QKI: variants seen among roughly 807,000 people sequenced by gnomAD.
QKI encodes the protein QKI, KH domain containing RNA binding.
In QKI, 10 loss-of-function variants were observed where a neutral mutation model predicts 39.0. The observed-to-expected ratio is 0.26, with a 90% CI of 0.16 to 0.43. The LOEUF (loss-of-function observed/expected upper bound fraction) is 0.43, where lower values mean the gene tolerates loss of function less well. QKI is among the 20% of genes least tolerant of loss of function. The pLI is 1.00. For missense variants in QKI, 218 were observed against 428.0 expected, an observed-to-expected ratio of 0.51 and a Z score of 4.33; for synonymous variants, 204 against 155.4, an observed-to-expected ratio of 1.31 and a Z score of -2.33.
intron 3 of QKI, among the ~76,000 whole-genome samples, chr6:163,499,136 TG>T (rs1303462086): frequency 6.6e-6 from 1 of 152,206 alleles, no homozygotes; most frequent in Non-Finnish European, 1.5e-5. Flanking sequence ...TGAAGCGTTT[TG>T]TTTTTTTGGA....
chr6:163,542,630 A>G (rs78656861), intron 4 of QKI, among the ~76,000 whole-genome samples: 4,220 of 152,138 alleles, frequency 0.028, 186 homozygotes, highest in African/African-American at 0.096. Context: ...TTGGCACACA[A>G]TATGCCTGCA....
chr6:163,422,555 C>T (rs894992870), intron 1 of QKI, among the ~76,000 whole-genome samples: 2 of 152,054 alleles, frequency 1.3e-5, no homozygotes, highest in African/African-American at 2.4e-5. Context: ...CATGCTACTG[C>T]GCTCCACCTT....
At chr6:163,430,410 A>G (rs919828095) in intron 1 of QKI, among the ~76,000 whole-genome samples, 5 of 151,494 alleles carry the variant, frequency 3.3e-5, no homozygotes, top group Admixed American at 1.3e-4. Context: ...AATTTTAACT[A>G]TTGTTTATCT....
At chr6:163,532,859 G>A (rs1248589425) in intron 3 of QKI, among the ~76,000 whole-genome samples, 1 of 152,152 alleles carries the variant, frequency 6.6e-6, no homozygotes, top group Non-Finnish European at 1.5e-5. Flanking sequence ...GGAGTTGTCT[G>A]GAGACTCTCA....
At position 163,534,932 on chromosome 6, in the gene QKI, T is replaced by G. The variant is rs770560902; in HGVS notation, c.403-50T>G. The G allele has an allele frequency of 3.6e-6, 5 of 1,397,528 alleles. No homozygotes were observed. The African/African-American group carries it at 7.3e-5, about 20-fold the overall frequency. 86.6% of individuals were successfully genotyped at this position (1,397,528 alleles called of 1,614,324 possible). A position where few individuals can be genotyped will look rare whatever the true frequency, so the allele number is the denominator to read the frequency against. Reference sequence around the variant, plus strand: ...CAGGTTAGTATTATGAAAGATGTGCTCTCTCTTTAAAGAGAATAATTTTAA... The same window carrying G: ...CAGGTTAGTATTATGAAAGATGTGCGCTCTCTTTAAAGAGAATAATTTTAA... On this transcript the variant is annotated intron_variant, in intron 3 of 7. Coordinates refer to ENST00000361752, the MANE Select transcript of QKI (RefSeq NM_006775.3).
rs1783701297 is a variant in QKI at position 163,571,548 on chromosome 6, G to A, written c.*838G>A. On this transcript the variant is annotated 3_prime_UTR_variant, in exon 8 of 8. Coordinates refer to ENST00000361752, the MANE Select transcript of QKI (RefSeq NM_006775.3). ...TGTATAGAAAAAAATCATTAAGGATGTAAAAGCCATGCTTGCCTATTTGCT... is the reference window on the plus strand; with the variant it reads ...TGTATAGAAAAAAATCATTAAGGATATAAAAGCCATGCTTGCCTATTTGCT... The A allele has an allele frequency of 1.3e-5, 2 of 151,844 alleles. No homozygotes were observed. The highest frequency in any genetic ancestry group is 4.2e-4 in the South Asian group (2 of 4,818). The allele number at this position is 151,844 out of a possible 1,614,324, so 9.4% of individuals were successfully genotyped here.
rs139069121 is a variant in QKI, at chr6:163,478,945, C to G, written c.402+49C>G. ...GTCTTTATGTGAGTAACTTACTATA[C>G]TTTTACATCGTAATAATAAAATTTC... On this transcript the variant is annotated intron_variant, in intron 3 of 7. Transcript: ENST00000361752. The G allele has an allele frequency of 2.2e-3, 2,965 of 1,362,910 alleles. 6 individuals carry two copies. Among genetic ancestry groups the G allele is most frequent in the Non-Finnish European group, 2.7e-3 (2,623 of 972,684 alleles). 84.4% of individuals were successfully genotyped at this position (1,362,910 alleles called of 1,614,324 possible).
intron 1 of QKI, among the ~76,000 whole-genome samples, chr6:163,417,102 TTATA>T (rs1787579327): frequency 6.6e-6 from 1 of 152,212 alleles, no homozygotes; most frequent in African/African-American, 2.4e-5. Context: ...CATAATGTGT[TTATA>T]TAGTGTTTTC....
chr6:163,524,049 C>G (rs1325945301), intron 3 of QKI, among the ~76,000 whole-genome samples: 2 of 152,120 alleles, frequency 1.3e-5, no homozygotes, highest in Non-Finnish European at 2.9e-5. Context: ...TATAAATTCC[C>G]TTTACTATTC....
At chr6:163,456,812 A>G (rs1777293841) in intron 2 of QKI, among the ~76,000 whole-genome samples, 1 of 152,182 alleles carries the variant, frequency 6.6e-6, no homozygotes, top group African/African-American at 2.4e-5. Context: ...ATGTTAGGCT[A>G]GGAATCAGGG....
chr6:163,553,068 TTATTTA>T (rs1782357301), intron 4 of QKI, among the ~76,000 whole-genome samples: 3 of 11,778 alleles, frequency 2.5e-4, no homozygotes, highest in Admixed American at 2.4e-3. Context: ...TAATTTTTAT[TTATTTA>T]TTTATTTATT....
intron 3 of QKI, among the ~76,000 whole-genome samples, chr6:163,479,605 C>T (rs761687541): frequency 6.6e-6 from 1 of 152,170 alleles, no homozygotes; most frequent in African/African-American, 2.4e-5. Context: ...CTCCTGACCT[C>T]GTGATCCACC....
intron 3 of QKI, among the ~76,000 whole-genome samples, chr6:163,523,602 A>G (rs1053466119): frequency 1.3e-5 from 2 of 152,218 alleles, no homozygotes; most frequent in Non-Finnish European, 2.9e-5. Flanking sequence ...TAGTATGCAT[A>G]TATGTTGAGA....
At chr6:163,447,769 A>G (rs1790262835) in intron 1 of QKI, among the ~76,000 whole-genome samples, 1 of 152,188 alleles carries the variant, frequency 6.6e-6, no homozygotes, top group African/African-American at 2.4e-5. Context: ...GTTGGGAGGC[A>G]ATGAATTATA....
intron 4 of QKI, among the ~76,000 whole-genome samples, chr6:163,558,038 C>CTA (rs1782747158): frequency 6.6e-6 from 1 of 152,182 alleles, no homozygotes; most frequent in Admixed American, 6.5e-5. Flanking sequence ...TGTTCTGTCT[C>CTA]TGTAGAGTTG....
chr6:163,570,669 T>G, intron 7 of QKI, 25 bp from the exon 8 acceptor site: 2 of 1,553,440 alleles, frequency 1.3e-6, no homozygotes, highest in Middle Eastern at 1.7e-4. Flanking sequence ...TTTTGTTTTG[T>G]TTTTTTTTGT....
intron 1 of QKI, among the ~76,000 whole-genome samples, chr6:163,417,176 CACTCTT>C (rs1329131306): frequency 1.3e-5 from 2 of 152,148 alleles, no homozygotes; most frequent in East Asian, 1.9e-4. Flanking sequence ...TTCAAAATAA[CACTCTT>C]ACTGTCTTCT....
intron 2 of QKI, among the ~76,000 whole-genome samples, chr6:163,461,092 CTT>C (rs1452699058): frequency 6.6e-6 from 1 of 152,102 alleles, no homozygotes; most frequent in Admixed American, 6.6e-5. Context: ...GTAGGGAAAA[CTT>C]AATGTATAAG....
chr6:163,567,748 C>G, intron 7 of QKI: 1 of 984,714 alleles, frequency 1.0e-6, no homozygotes, highest in South Asian at 4.7e-5. Flanking sequence ...TTACAAGTTT[C>G]TATTATGGCA....
Sources: gnomAD v4.1 joint callset for allele counts (sites outside exome capture counted in the v4.1 genomes callset) on GRCh38, gnomAD v4.1.1 for gene constraint, MANE v1.5 for transcripts, NCBI Gene and HGNC (gene_info 2026-07-23, HGNC 2026-07-21) for gene names.